Variants in MAGI1 observed in about 807,000 individuals in gnomAD.
MAGI1 encodes the protein membrane associated guanylate kinase, WW and PDZ domain containing 1, also known as membrane-associated guanylate kinase, WW and PDZ domain-containing protein 1.
In MAGI1, 58 loss-of-function variants were observed where a neutral mutation model predicts 139.9. The observed-to-expected ratio is 0.41, with a 90% CI of 0.34 to 0.52. The LOEUF is 0.52. Ranked by LOEUF, MAGI1 falls within the 20% of genes least tolerant of loss-of-function variation. The pLI is 0.12. For missense variants in MAGI1, 1,874 were observed against 1,901.6 expected (o/e 0.99, Z 0.27); for synonymous variants, 812 against 737.9 (o/e 1.10, Z -1.63).
chr3:65,957,175 G>T (rs568590405), intron 1 of MAGI1, among the ~76,000 whole-genome samples: 1 of 151,912 alleles, frequency 6.6e-6, no homozygotes, highest in East Asian at 1.9e-4. Flanking sequence ...ATCAAAAGTA[G>T]GACACATGAG....
At chr3:65,696,972 G>C (rs1176564983) in intron 1 of MAGI1, among the ~76,000 whole-genome samples, 4 of 152,038 alleles carry the variant, frequency 2.6e-5, no homozygotes, top group Non-Finnish European at 5.9e-5. Context: ...TTGATAGACC[G>C]CTAGCAAGAC....
rs183935434 is a variant in MAGI1 at position 65,943,366 on chromosome 3, G to C, written c.313+94630C>G. 5.9e-5 allele frequency among the ~76,000 whole-genome samples: 9 copies of C among 152,212 alleles called. No individual in the cohort carries two copies. The East Asian group carries it at 1.7e-3, about 30-fold the overall frequency. ...CAAGGTGGGCAGATCACGAGGTCAG[G>C]AGTTTGAGACCAGCCTGGCCAACAT... On this transcript the variant is annotated intron_variant, in intron 1 of 22. Coordinates refer to ENST00000402939, the MANE Select transcript of MAGI1 (RefSeq NM_001033057.2).
intron 1 of MAGI1, among the ~76,000 whole-genome samples, chr3:65,628,972 T>C (rs1243502542): frequency 6.6e-6 from 1 of 152,232 alleles, no homozygotes; most frequent in Admixed American, 6.5e-5. Context: ...TTCTTATATA[T>C]TCTAGATAGG....
At chr3:65,838,326 A>T (rs2058697014) in intron 1 of MAGI1, among the ~76,000 whole-genome samples, 3 of 150,498 alleles carry the variant, frequency 2.0e-5, no homozygotes, top group Non-Finnish European at 4.4e-5. Flanking sequence ...AAAACAAAAC[A>T]AAAACAAAAA....
intron 1 of MAGI1, among the ~76,000 whole-genome samples, chr3:65,959,798 C>T (rs867091054): frequency 2.0e-4 from 12 of 60,266 alleles, no homozygotes; most frequent in African/African-American, 3.9e-4. Flanking sequence ...TAAATTCTCT[C>T]TTTTTTTTTT....
intron 1 of MAGI1, among the ~76,000 whole-genome samples, chr3:65,877,289 G>C (rs1286425276): frequency 6.6e-6 from 1 of 152,122 alleles, no homozygotes; most frequent in Middle Eastern, 3.2e-3. Flanking sequence ...GAGAAGAAAT[G>C]AAACTCTACA....
At chr3:65,430,912 G>A (rs549182325) in intron 10 of MAGI1, 31 bp from the exon 11 acceptor site, 9 of 1,591,180 alleles carry the variant, frequency 5.7e-6, no homozygotes, top group South Asian at 4.4e-5. Flanking sequence ...CATAAGGAAT[G>A]TCACCACTGG....
At chr3:65,971,736 G>C (rs1322083067) in intron 1 of MAGI1, among the ~76,000 whole-genome samples, 2 of 152,162 alleles carry the variant, frequency 1.3e-5, no homozygotes, top group African/African-American at 2.4e-5. Flanking sequence ...ACCCTGCTGG[G>C]AGAAGCCCTC....
At chr3:65,652,056 T>A (rs890716027) in intron 1 of MAGI1, among the ~76,000 whole-genome samples, 2 of 152,178 alleles carry the variant, frequency 1.3e-5, no homozygotes, top group African/African-American at 4.8e-5. Flanking sequence ...CAACAATTAT[T>A]TATATACATG....
intron 1 of MAGI1, among the ~76,000 whole-genome samples, chr3:65,794,075 C>A (rs2039967295): frequency 6.6e-6 from 1 of 152,164 alleles, no homozygotes; most frequent in Admixed American, 6.5e-5. Context: ...CACGACTCGA[C>A]CTGGACCACA....
intron 1 of MAGI1, among the ~76,000 whole-genome samples, chr3:65,904,510 C>T (rs560392295): frequency 6.6e-6 from 1 of 152,328 alleles, no homozygotes; most frequent in Non-Finnish European, 1.5e-5. Flanking sequence ...GCTGCCCTTC[C>T]CAACCCAGCT....
At chr3:65,928,909 C>A (rs1391010243) in intron 1 of MAGI1, among the ~76,000 whole-genome samples, 1 of 152,066 alleles carries the variant, frequency 6.6e-6, no homozygotes, top group Admixed American at 6.5e-5. Context: ...ATTAAAAATG[C>A]AATTAGCATG....
In MAGI1 at chr3:65,448,016, G is replaced by T; in HGVS notation, c.1078+6C>A. The T allele has an allele frequency of 1.2e-6, 2 of 1,614,054 alleles. No homozygotes were observed. The highest frequency in any genetic ancestry group is 1.7e-6 in the Non-Finnish European group (2 of 1,179,968). On this transcript the variant is annotated splice_donor_region_variant and intron_variant, in intron 7 of 22. Coordinates refer to ENST00000402939, the MANE Select transcript of MAGI1 (RefSeq NM_001033057.2). ...CATGCAGCAGCAGCAGGCAGGGAGG[G>T]TTTACCTAGTTCACTGTCCAGCTCC...
chr3:65,501,335 G>T (rs948993280), intron 2 of MAGI1, among the ~76,000 whole-genome samples: 5 of 151,398 alleles, frequency 3.3e-5, no homozygotes, highest in Admixed American at 6.6e-5. Flanking sequence ...AAAAATTAGT[G>T]GTGGCAGGCA....
intron 4 of MAGI1, among the ~76,000 whole-genome samples, chr3:65,473,900 C>G (rs1950710071): frequency 6.6e-6 from 1 of 151,806 alleles, no homozygotes; most frequent in South Asian, 2.1e-4. Context: ...GAGCTGCTGG[C>G]ACAGACACAC....
At chr3:65,479,263 T>C (rs1249913655) in intron 3 of MAGI1, among the ~76,000 whole-genome samples, 1 of 152,140 alleles carries the variant, frequency 6.6e-6, no homozygotes, top group African/African-American at 2.4e-5. Flanking sequence ...ACCAGGGCAA[T>C]ATTTAAAAAG....
chr3:65,969,166 C>T (rs376683223), intron 1 of MAGI1, among the ~76,000 whole-genome samples: 1 of 152,160 alleles, frequency 6.6e-6, no homozygotes, highest in Non-Finnish European at 1.5e-5. Flanking sequence ...ACTTGAACAC[C>T]GTGGGGAGTC....
chr3:65,723,121 C>G (rs930120364), intron 1 of MAGI1, among the ~76,000 whole-genome samples: 1 of 152,146 alleles, frequency 6.6e-6, no homozygotes, highest in Non-Finnish European at 1.5e-5. Flanking sequence ...AATGGAGAAC[C>G]TGCCTTAGAG....
chr3:65,653,429 T>C (rs1015477846), intron 1 of MAGI1, among the ~76,000 whole-genome samples: 1 of 152,156 alleles, frequency 6.6e-6, no homozygotes, highest in African/African-American at 2.4e-5. Flanking sequence ...CCGATGTGCT[T>C]AGAATAAATT....
Sources: gnomAD v4.1 joint callset for allele counts (sites outside exome capture counted in the v4.1 genomes callset) on GRCh38, gnomAD v4.1.1 for gene constraint, MANE v1.5 for transcripts, NCBI Gene and HGNC (gene_info 2026-07-23, HGNC 2026-07-21) for gene names.